ALG8: variants seen among roughly 807,000 people sequenced by gnomAD.
The protein encoded by ALG8 is dolichyl pyrophosphate Glc1Man9GlcNAc2 alpha-1,3-glucosyltransferase.
A neutral mutation model predicts 70.2 loss-of-function variants in ALG8; 48 were observed. The observed-to-expected ratio is 0.68, with a 90% CI of 0.54 to 0.87. The LOEUF is 0.87. Ranked by LOEUF, ALG8 falls within the 40% of genes least tolerant of loss-of-function variation. The pLI, the probability that ALG8 is intolerant of heterozygous loss-of-function variation, is 0.00. For missense variants in ALG8, 572 were observed against 608.7 expected (o/e 0.94, Z 0.64); for synonymous variants, 234 against 229.0 (o/e 1.02, Z -0.20).
intron 7 of ALG8, 26 bp downstream of exon 7, chr11:78,113,860 T>TG (rs1860429413): frequency 7.3e-6 from 7 of 958,696 alleles, no homozygotes; most frequent in Non-Finnish European, 1.0e-5. Flanking sequence ...ATGTATTAAT[T>TG]GAAAAAAAAA....
At chr11:78,114,017 C>T (rs1860441945) in intron 6 of ALG8, 28 bp from the exon 7 acceptor site, 2 of 1,561,352 alleles carry the variant, frequency 1.3e-6, no homozygotes, top group Middle Eastern at 1.7e-4. Flanking sequence ...TATCAGTAAC[C>T]AGGAAGATGG....
intron 5 of ALG8, among the ~76,000 whole-genome samples, chr11:78,115,583 C>T (rs1291365581): frequency 6.6e-6 from 1 of 152,098 alleles, no homozygotes; most frequent in Admixed American, 6.6e-5. Context: ...TGGGGTTTCA[C>T]CATGTTGGCC....
chr11:78,112,279 A>C, intron 8 of ALG8: 1 of 320,080 alleles, frequency 3.1e-6, no homozygotes, highest in Non-Finnish European at 6.1e-6. Context: ...CCCTGTCTCT[A>C]AAAATAAGTA....
intron 10 of ALG8, among the ~76,000 whole-genome samples, chr11:78,105,571 A>T (rs1455018880): frequency 6.6e-6 from 1 of 151,104 alleles, no homozygotes; most frequent in Admixed American, 6.6e-5. Context: ...TGGGAGGCTG[A>T]GGTAGGAAGA....
intron 1 of ALG8, 84 bp downstream of exon 1, chr11:78,139,409 AC>A: frequency 3.0e-6 from 4 of 1,316,810 alleles, no homozygotes; most frequent in South Asian, 1.3e-5. Flanking sequence ...TTCTCTTCAT[AC>A]CCAGGGATAT....
At chr11:78,134,050 T>C (rs957708845) in intron 1 of ALG8, among the ~76,000 whole-genome samples, 12 of 152,310 alleles carry the variant, frequency 7.9e-5, no homozygotes, top group Middle Eastern at 3.4e-3. Context: ...CTAATCTTTT[T>C]GCTGGTGGAG....
At chr11:78,125,359 C>T (rs1487064009) in intron 2 of ALG8, among the ~76,000 whole-genome samples, 1 of 151,460 alleles carries the variant, frequency 6.6e-6, no homozygotes, top group Non-Finnish European at 1.5e-5. Context: ...ACCTATACAA[C>T]AGGGATAGTA....
chr11:78,136,243 A>C (rs978517282), intron 1 of ALG8, among the ~76,000 whole-genome samples: 2 of 151,776 alleles, frequency 1.3e-5, no homozygotes, highest in African/African-American at 4.8e-5. Context: ...GGAAGGGCTC[A>C]CTTGAGCCCA....
intron 9 of ALG8, among the ~76,000 whole-genome samples, chr11:78,108,032 C>T (rs942882535): frequency 6.6e-6 from 1 of 151,728 alleles, no homozygotes; most frequent in Non-Finnish European, 1.5e-5. Context: ...ATAATCCCAG[C>T]ACTTTGGGAG....
At chr11:78,119,386 C>A in intron 4 of ALG8, 137 bp from the exon 5 acceptor site, 7 of 615,254 alleles carry the variant, frequency 1.1e-5, no homozygotes, top group East Asian at 3.1e-5. Context: ...GTGGACTGCT[C>A]ATAAATATGT....
At chr11:78,113,716 C>CAAAAAAAAA (rs1299736833) in intron 7 of ALG8, among the ~76,000 whole-genome samples, 170 bp downstream of exon 7, 1 of 11,830 alleles carries the variant, frequency 8.5e-5, no homozygotes, top group Non-Finnish European at 1.6e-4. Flanking sequence ...CCATCTTAAA[C>CAAAAAAAAA]AAAAACAAAA....
chr11:78,123,260 G>A (rs1401681226), intron 3 of ALG8, among the ~76,000 whole-genome samples: 2 of 134,690 alleles, frequency 1.5e-5, no homozygotes, highest in Non-Finnish European at 1.5e-5. Flanking sequence ...CCGAGATCGC[G>A]CCACAATACT....
intron 4 of ALG8, 66 bp downstream of exon 4, chr11:78,120,999 A>G: frequency 7.2e-7 from 1 of 1,386,044 alleles, no homozygotes; most frequent in Non-Finnish European, 1.0e-6. Context: ...ATTATAGAAA[A>G]CATTAATCTT....
intron 1 of ALG8, among the ~76,000 whole-genome samples, chr11:78,129,377 G>A (rs1478943342): frequency 4.0e-5 from 6 of 150,400 alleles, no homozygotes; most frequent in Non-Finnish European, 5.9e-5. Flanking sequence ...CTGAGATCGC[G>A]CCACTGCACT....
At chr11:78,120,367 G>A (rs1860768406) in intron 4 of ALG8, among the ~76,000 whole-genome samples, 1 of 152,100 alleles carries the variant, frequency 6.6e-6, no homozygotes, top group Non-Finnish European at 1.5e-5. Flanking sequence ...ATTGTTTATA[G>A]GACATATACA....
intron 9 of ALG8, among the ~76,000 whole-genome samples, chr11:78,108,441 AAATT>A (rs1267231174): frequency 6.6e-6 from 1 of 152,196 alleles, no homozygotes; most frequent in Non-Finnish European, 1.5e-5. Context: ...AAAAAAAAAG[AAATT>A]AATTATACTA....
rs1424256553 is a variant in ALG8 at position 78,124,044 on chromosome 11, T to C, written c.345A>G (p.Val115=). ...ACTCACGGACAGCATACACAAAGAG[T>C]ACATCCATAAAGATGACGGAAAATC... The part of the protein sequence containing the change: ...FQRFSVIFMD[V]LFVYAVRECC... Residue 115 remains valine, a synonymous_variant, in exon 3 of 13, where the codon GTA becomes GTG. Transcript: ENST00000299626. 1.9e-6 allele frequency: 3 copies of C among 1,613,970 alleles called. No individual in the cohort carries two copies. The Admixed American group carries it at 5.0e-5, about 27-fold the overall frequency.
intron 9 of ALG8, 128 bp from the exon 10 acceptor site, chr11:78,107,074 C>G: frequency 8.6e-7 from 1 of 1,161,230 alleles, no homozygotes; most frequent in Non-Finnish European, 1.2e-6. Flanking sequence ...TTCATGAAAC[C>G]GAATCATTCA....
At chr11:78,114,192 T>G (rs1860451680) in intron 6 of ALG8, 74 bp downstream of exon 6, 1 of 1,595,714 alleles carries the variant, frequency 6.3e-7, no homozygotes, top group African/African-American at 1.3e-5. Context: ...AAAACCTTCT[T>G]ATCAAGCAAG....
Sources: gnomAD v4.1 joint callset for allele counts (sites outside exome capture counted in the v4.1 genomes callset) on GRCh38, gnomAD v4.1.1 for gene constraint, MANE v1.5 for transcripts, NCBI Gene and HGNC (gene_info 2026-07-23, HGNC 2026-07-21) for gene names.